DCDC1: variants seen among roughly 807,000 people sequenced by gnomAD.
The protein encoded by DCDC1 is doublecortin domain containing 1.
In DCDC1, 200 loss-of-function variants were observed where a neutral mutation model predicts 178.3. That is an observed-to-expected ratio of 1.12 (90% confidence interval 1.00 to 1.26). The LOEUF (loss-of-function observed/expected upper bound fraction) is 1.26, where lower values mean the gene tolerates loss of function less well. DCDC1 is among the 50% of genes most tolerant of loss of function. DCDC1 has a pLI of 0.00. For synonymous variants in DCDC1, 690 were observed against 604.8 expected (o/e 1.14, Z -2.07); for missense variants, 1,983 against 1,749.2 (o/e 1.13, Z -2.38).
At chr11:30,950,319 A>T (rs1948342474) in intron 21 of DCDC1, among the ~76,000 whole-genome samples, 1 of 152,200 alleles carries the variant, frequency 6.6e-6, no homozygotes, top group Admixed American at 6.5e-5. Context: ...TAGAACTACC[A>T]TATGTTCCAG....
chr11:30,909,572 T>G (rs1166582160), intron 28 of DCDC1, among the ~76,000 whole-genome samples: 1 of 152,076 alleles, frequency 6.6e-6, no homozygotes, highest in Non-Finnish European at 1.5e-5. Context: ...AATAAAAAAA[T>G]CATTTTAAAG....
chr11:31,305,014 A>T (rs1948360498), intron 6 of DCDC1, among the ~76,000 whole-genome samples: 1 of 152,156 alleles, frequency 6.6e-6, no homozygotes, highest in Non-Finnish European at 1.5e-5. Context: ...CATTTCTGAA[A>T]TGTTGGAAGA....
chr11:30,888,032 G>GAGAAAGAAAGAAAGAAAGAAAGAA (rs1276190350), intron 36 of DCDC1, among the ~76,000 whole-genome samples: 2 of 111,438 alleles, frequency 1.8e-5, no homozygotes, highest in Admixed American at 9.8e-5. Context: ...GAGAGAGAGA[G>GAGAAAGAAAGAAAGAAAGAAAGAA]AGAAAGAAAG....
At chr11:31,111,332 G>C (rs977371094) in intron 11 of DCDC1, among the ~76,000 whole-genome samples, 6 of 151,140 alleles carry the variant, frequency 4.0e-5, no homozygotes, top group Non-Finnish European at 8.8e-5. Flanking sequence ...TTTTGAGAAA[G>C]TTTTTGAAAT....
At chr11:31,306,042 A>C (rs1297923645) in intron 5 of DCDC1, among the ~76,000 whole-genome samples, 190 bp downstream of exon 5, 1 of 152,144 alleles carries the variant, frequency 6.6e-6, no homozygotes, top group African/African-American at 2.4e-5. Context: ...GTTTAAATAC[A>C]CTGTTTATAT....
At chr11:31,294,724 AAGGGAGGG>A (rs201019954) in intron 6 of DCDC1, among the ~76,000 whole-genome samples, 11 of 71,442 alleles carry the variant, frequency 1.5e-4, no homozygotes, top group Non-Finnish European at 2.3e-4. Context: ...GGAAGGAAGG[AAGGGAGGG>A]AGGGAGGGAG....
At chr11:31,032,325 G>A (rs763771266) in intron 20 of DCDC1, among the ~76,000 whole-genome samples, 2 of 152,088 alleles carry the variant, frequency 1.3e-5, no homozygotes, top group Non-Finnish European at 1.5e-5. Context: ...AATATTATGT[G>A]ACATGGTATA....
chr11:31,337,989 A>G (rs1169751565), intron 1 of DCDC1, among the ~76,000 whole-genome samples: 1 of 152,194 alleles, frequency 6.6e-6, no homozygotes, highest in Non-Finnish European at 1.5e-5. Flanking sequence ...CCACATTTGT[A>G]TCAGCAGGAA....
At chr11:31,268,230 C>T (rs1477468574) in intron 7 of DCDC1, among the ~76,000 whole-genome samples, 2 of 152,162 alleles carry the variant, frequency 1.3e-5, no homozygotes, top group Non-Finnish European at 2.9e-5. Flanking sequence ...TAAGTATCCT[C>T]TAAAGTTACA....
chr11:31,112,203 T>C (rs192328928), intron 11 of DCDC1, among the ~76,000 whole-genome samples: 36 of 152,332 alleles, frequency 2.4e-4, no homozygotes, highest in South Asian at 6.2e-4. Context: ...TCTTAAGAGA[T>C]TCTGTTTTTC....
At chr11:31,001,592 T>A (rs1951582918) in intron 20 of DCDC1, among the ~76,000 whole-genome samples, 1 of 152,162 alleles carries the variant, frequency 6.6e-6, no homozygotes, top group Non-Finnish European at 1.5e-5. Context: ...TGAAGACAAA[T>A]GCTGTTTGAC....
At chr11:31,241,673 T>C in intron 8 of DCDC1, 57 bp from the exon 9 acceptor site, 1 of 395,158 alleles carries the variant, frequency 2.5e-6, no homozygotes, top group Non-Finnish European at 4.5e-6. Flanking sequence ...CGAAATACAC[T>C]GCCTGGAACA....
intron 20 of DCDC1, among the ~76,000 whole-genome samples, chr11:31,055,029 C>T (rs1955495824): frequency 6.6e-6 from 1 of 152,086 alleles, no homozygotes; most frequent in South Asian, 2.1e-4. Flanking sequence ...GCAAAAGGAA[C>T]AGTCAGCAGA....
intron 20 of DCDC1, among the ~76,000 whole-genome samples, chr11:31,009,256 T>C (rs1952027955): frequency 6.6e-6 from 1 of 152,326 alleles, no homozygotes; most frequent in Middle Eastern, 3.4e-3. Flanking sequence ...ACTGAAGGTA[T>C]AATAGTTCAT....
intron 9 of DCDC1, among the ~76,000 whole-genome samples, chr11:31,140,314 G>A (rs1435787164): frequency 6.6e-6 from 1 of 152,142 alleles, no homozygotes; most frequent in African/African-American, 2.4e-5. Context: ...ACAGAAAGGT[G>A]GATAAAATTT....
At chr11:30,991,659 TTTCTC>T (rs1373323002) in intron 20 of DCDC1, among the ~76,000 whole-genome samples, 1 of 152,188 alleles carries the variant, frequency 6.6e-6, no homozygotes, top group African/African-American at 2.4e-5. Context: ...TCTTCCCTAA[TTTCTC>T]TTGTCTTCTC....
intron 7 of DCDC1, among the ~76,000 whole-genome samples, chr11:31,287,490 A>G (rs1328606650): frequency 6.6e-6 from 1 of 152,028 alleles, no homozygotes; most frequent in Non-Finnish European, 1.5e-5. Flanking sequence ...TTCAAACTGA[A>G]AAGACATCCT....
intron 15 of DCDC1, among the ~76,000 whole-genome samples, chr11:31,095,099 C>A (rs1201412590): frequency 1.3e-5 from 2 of 152,068 alleles, no homozygotes; most frequent in Non-Finnish European, 2.9e-5. Flanking sequence ...CAGCTTCATC[C>A]ATGTCCCTGC....
chr11:31,137,410 C>T lies in DCDC1; in HGVS notation c.1314+282G>A, dbSNP rs193039483. On this transcript the variant is annotated intron_variant, in intron 10 of 38. Coordinates refer to ENST00000684477, the MANE Select transcript of DCDC1 (RefSeq NM_001387274.1). ...TGTTGCCCAGGCTGGAGTGCAGTCG[C>T]GCAATCTCTGCTCACTGCAACCTCT... Among the ~76,000 whole-genome samples, 680 of 147,170 alleles carry T rather than the reference C, an allele frequency of 4.6e-3. 7 individuals are homozygous for T. The highest frequency in any genetic ancestry group is 7.6e-3 in the Non-Finnish European group (510 of 66,976).
Sources: allele counts gnomAD v4.1 joint callset (sites outside exome capture counted in the v4.1 genomes callset), GRCh38; gene constraint gnomAD v4.1.1; transcripts MANE v1.5; gene names NCBI Gene and HGNC (gene_info 2026-07-23, HGNC 2026-07-21).